BMPR1B: variants seen among roughly 807,000 people sequenced by gnomAD.
BMPR1B encodes the protein bone morphogenetic protein receptor type 1B, also known as bone morphogenetic protein receptor type-1B.
A neutral mutation model predicts 59.1 loss-of-function variants in BMPR1B; 12 were observed. The observed-to-expected ratio is 0.20, with a 90% CI of 0.13 to 0.33. BMPR1B has a LOEUF of 0.33. Ranked by LOEUF, BMPR1B falls within the 10% of genes least tolerant of loss-of-function variation. The pLI, the probability that BMPR1B is intolerant of heterozygous loss-of-function variation, is 1.00. For missense variants in BMPR1B, 550 were observed against 610.9 expected, an observed-to-expected ratio of 0.90 and a Z score of 1.05; for synonymous variants, 237 against 207.3, an observed-to-expected ratio of 1.14 and a Z score of -1.23.
At position 95,125,018 on chromosome 4, in the gene BMPR1B, T is replaced by G. The variant is rs766140919; in HGVS notation, c.482T>G (p.Ile161Ser). The change falls in exon 8 of 13, where the codon ATT (isoleucine) becomes AGT (serine). Residue 161 changes from isoleucine to serine, a missense_variant. Ile to Ser is a moderately radical substitution (Grantham distance 142, BLOSUM62 -2). Coordinates refer to ENST00000515059, the MANE Select transcript of BMPR1B (RefSeq NM_001203.3). ...KRQETRPRYS[I>S]GLEQDETYIP... ...CAAGAAACCAGACCTCGATACAGCA[T>G]TGGGTTAGAACAGGATGAAACTTAC... The G allele has an allele frequency of 2.5e-6, 4 of 1,613,450 alleles. No homozygotes were observed. The highest frequency in any genetic ancestry group is 2.5e-6 in the Non-Finnish European group (3 of 1,179,420).
intron 2 of BMPR1B, among the ~76,000 whole-genome samples, chr4:94,980,186 C>A (rs886639022): frequency 1.3e-5 from 2 of 152,196 alleles, no homozygotes; most frequent in African/African-American, 4.8e-5. Flanking sequence ...GGCAGTTGAA[C>A]TGGCCACTGA....
At chr4:94,953,508 C>T (rs1023845682) in intron 2 of BMPR1B, among the ~76,000 whole-genome samples, 1 of 152,130 alleles carries the variant, frequency 6.6e-6, no homozygotes, top group African/African-American at 2.4e-5. Context: ...TTTATTTCTC[C>T]TTCACTTATA....
intron 2 of BMPR1B, among the ~76,000 whole-genome samples, chr4:94,917,170 C>A (rs1324341478): frequency 6.6e-6 from 1 of 152,214 alleles, no homozygotes; most frequent in African/African-American, 2.4e-5. Context: ...AGGGGTGGAA[C>A]CCTTACAGAG....
At chr4:94,849,133 A>G (rs1725466321) in intron 1 of BMPR1B, among the ~76,000 whole-genome samples, 1 of 152,240 alleles carries the variant, frequency 6.6e-6, no homozygotes, top group Non-Finnish European at 1.5e-5. Context: ...GATAGAAAGC[A>G]GTATGAGGAC....
intron 4 of BMPR1B, among the ~76,000 whole-genome samples, chr4:95,107,825 A>G (rs1036081232): frequency 2.0e-5 from 3 of 152,048 alleles, no homozygotes; most frequent in African/African-American, 4.8e-5. Flanking sequence ...TAAAAGGCAC[A>G]TGTATTTTCC....
At chr4:94,789,118 AG>A (rs1722869816) in intron 1 of BMPR1B, among the ~76,000 whole-genome samples, 1 of 152,194 alleles carries the variant, frequency 6.6e-6, no homozygotes, top group Non-Finnish European at 1.5e-5. Flanking sequence ...AAGTAAGAGG[AG>A]GTTAACACAT....
chr4:94,887,438 AAAC>A (rs1727226066), intron 2 of BMPR1B, among the ~76,000 whole-genome samples: 2 of 150,622 alleles, frequency 1.3e-5, no homozygotes, highest in Admixed American at 6.6e-5. Flanking sequence ...AAGCAGAAGA[AAAC>A]TGTGTCTACA....
intron 1 of BMPR1B, among the ~76,000 whole-genome samples, chr4:94,780,767 C>G (rs1239438905): frequency 1.4e-5 from 2 of 142,150 alleles, no homozygotes; most frequent in Admixed American, 7.6e-5. Flanking sequence ...CAGCTCACTG[C>G]AAGCTCCGCC....
chr4:95,013,564 A>G lies in BMPR1B; in HGVS notation c.-18+17430A>G, dbSNP rs374221634. On this transcript the variant is annotated intron_variant, in intron 3 of 12. Transcript: ENST00000515059. ...TTTATACAGTCATTGTTTTCTGTAT[A>G]TATGGGAGCAAACAGTGTCCTTAAA... is the stretch of plus-strand genomic sequence containing the variant. Among the ~76,000 whole-genome samples, 16 of 152,298 alleles carry G rather than the reference A, an allele frequency of 1.1e-4. No individual in the cohort carries two copies. The East Asian group carries it at 2.7e-3, about 26-fold the overall frequency.
intron 6 of BMPR1B, among the ~76,000 whole-genome samples, chr4:95,120,755 C>T (rs776061237): frequency 6.7e-6 from 1 of 150,340 alleles, no homozygotes; most frequent in Non-Finnish European, 1.5e-5. Flanking sequence ...CTCTTTCTCT[C>T]TCTCTCTCCC....
At chr4:94,840,167 C>T (rs13106851) in intron 1 of BMPR1B, among the ~76,000 whole-genome samples, 72,624 of 144,850 alleles carry the variant, frequency 0.5, 19,534 homozygotes, top group African/African-American at 0.66. Context: ...GTGGGTAACC[C>T]GACCTTTCTC....
intron 1 of BMPR1B, among the ~76,000 whole-genome samples, chr4:94,872,284 A>G (rs555699147): frequency 2.0e-5 from 3 of 152,350 alleles, no homozygotes; most frequent in African/African-American, 7.2e-5. Context: ...AAATGTAAAT[A>G]TTTGTAGACA....
intron 3 of BMPR1B, among the ~76,000 whole-genome samples, chr4:95,010,039 A>G (rs1359042737): frequency 6.6e-6 from 1 of 152,190 alleles, no homozygotes; most frequent in Non-Finnish European, 1.5e-5. Context: ...AGCATAAACC[A>G]AACAGATTTG....
intron 2 of BMPR1B, among the ~76,000 whole-genome samples, chr4:94,972,225 TC>T (rs1730821645): frequency 6.6e-6 from 1 of 151,960 alleles, no homozygotes; most frequent in Admixed American, 6.5e-5. Flanking sequence ...GAGAATAAAA[TC>T]TACTTAAAAT....
At chr4:94,924,183 G>T (rs1728802437) in intron 2 of BMPR1B, among the ~76,000 whole-genome samples, 1 of 152,116 alleles carries the variant, frequency 6.6e-6, no homozygotes, top group Admixed American at 6.6e-5. Context: ...GCAAGATAAA[G>T]TTGGAGCTTC....
rs186793066 is a variant in BMPR1B at position 95,048,401 on chromosome 4, T to C, written c.-18+52267T>C. Among the ~76,000 whole-genome samples, 301 of 152,326 alleles carry C rather than the reference T, an allele frequency of 2.0e-3. 2 individuals carry two copies. The highest frequency in any genetic ancestry group is 3.6e-3 in the Admixed American group (55 of 15,292). ...AAACTGCTTTCCACAGTGGCTGAAC[T>C]AATTTATATTCCCACAAGCAATGTA... On this transcript the variant is annotated intron_variant, in intron 3 of 12. Coordinates refer to ENST00000515059, the MANE Select transcript of BMPR1B (RefSeq NM_001203.3).
chr4:94,856,405 C>T (rs1725757478), intron 1 of BMPR1B, among the ~76,000 whole-genome samples: 1 of 152,120 alleles, frequency 6.6e-6, no homozygotes, highest in African/African-American at 2.4e-5. Flanking sequence ...TAGAAAACAG[C>T]AAGAACCTGG....
rs143138281 is a variant in BMPR1B, at chr4:94,818,506, A to C, written c.-182-57325A>C. 9.8e-3 allele frequency among the ~76,000 whole-genome samples: 1,499 copies of C among 152,274 alleles called. 21 individuals carry two copies. The highest frequency in any genetic ancestry group is 0.034 in the African/African-American group (1,409 of 41,538). ...ATTCTATGCTATGCTGTCTCTATTC[A>C]AGCTCCTACTATGTGCCAGAGAGTA... On this transcript the variant is annotated intron_variant, in intron 1 of 12. Coordinates refer to ENST00000515059, the MANE Select transcript of BMPR1B (RefSeq NM_001203.3).
chr4:94,785,128 G>A (rs1005623131), intron 1 of BMPR1B, among the ~76,000 whole-genome samples: 1 of 152,154 alleles, frequency 6.6e-6, no homozygotes, highest in East Asian at 1.9e-4. Flanking sequence ...GTAGCTTACC[G>A]CGATTTCTTG....
Sources: allele counts gnomAD v4.1 joint callset (sites outside exome capture counted in the v4.1 genomes callset), GRCh38; gene constraint gnomAD v4.1.1; transcripts MANE v1.5; gene names NCBI Gene and HGNC (gene_info 2026-07-23, HGNC 2026-07-21).